SCGN: variants seen among roughly 807,000 people sequenced by gnomAD.
SCGN encodes secretagogin, EF-hand calcium binding protein.
A neutral mutation model predicts 39.7 loss-of-function variants in SCGN; 30 were observed. The observed-to-expected ratio is 0.76, with a 90% CI of 0.57 to 1.03. SCGN has a LOEUF of 1.03. Ranked by LOEUF, SCGN falls within the 50% of genes least tolerant of loss-of-function variation. SCGN has a pLI of 0.00. For missense variants in SCGN, 353 were observed against 349.4 expected, an observed-to-expected ratio of 1.01 and a Z score of -0.08; for synonymous variants, 106 against 114.1, an observed-to-expected ratio of 0.93 and a Z score of 0.45.
At chr6:25,675,722 A>G (rs1048197504) in intron 6 of SCGN, among the ~76,000 whole-genome samples, 2 of 152,306 alleles carry the variant, frequency 1.3e-5, no homozygotes, top group Admixed American at 6.5e-5. Flanking sequence ...AAAGCAGCTC[A>G]TATCTGCTTC....
intron 9 of SCGN, 42 bp downstream of exon 9, chr6:25,689,574 G>A: frequency 6.4e-7 from 1 of 1,556,616 alleles, no homozygotes; most frequent in Non-Finnish European, 8.9e-7. Context: ...TCTCTGAGTA[G>A]GAAACTTATT....
chr6:25,657,303 C>A (rs940216801), intron 2 of SCGN, among the ~76,000 whole-genome samples: 2 of 152,088 alleles, frequency 1.3e-5, no homozygotes, highest in African/African-American at 4.8e-5. Context: ...TGTGTGGAGG[C>A]AGAAATCCAA....
intron 7 of SCGN, among the ~76,000 whole-genome samples, chr6:25,684,260 G>T (rs1253888930): frequency 6.6e-6 from 1 of 152,128 alleles, no homozygotes; most frequent in Non-Finnish European, 1.5e-5. Flanking sequence ...AATTGATGGA[G>T]TTACAGTAGC....
chr6:25,667,255 T>TTCTTA (rs1295265469), intron 4 of SCGN, among the ~76,000 whole-genome samples: 2 of 152,166 alleles, frequency 1.3e-5, no homozygotes, highest in East Asian at 1.9e-4. Context: ...CTATGGAGGC[T>TTCTTA]TCTTATCTTA....
intron 6 of SCGN, among the ~76,000 whole-genome samples, chr6:25,676,396 A>T (rs1759563198): frequency 6.6e-6 from 1 of 152,180 alleles, no homozygotes; most frequent in Non-Finnish European, 1.5e-5. Context: ...TCACACACCA[A>T]GTCATCACCT....
chr6:25,653,366 A>AT lies in SCGN; in HGVS notation c.83-12dup. The AT allele has an allele frequency of 6.5e-7, 1 of 1,544,020 alleles. No homozygotes were observed. The highest frequency in any genetic ancestry group is 8.9e-7 in the Non-Finnish European group (1 of 1,118,932). On this transcript the variant is annotated splice_polypyrimidine_tract_variant and intron_variant, in intron 1 of 10. Transcript: ENST00000377961. Reference sequence around the variant, plus strand: ...TTATATGTTAGTATTATTTATGTTTATTTTCTCACATTTAGAAAAAGGTTA... The same window carrying AT: ...TTATATGTTAGTATTATTTATGTTTATTTTTCTCACATTTAGAAAAAGGTTA...
intron 2 of SCGN, among the ~76,000 whole-genome samples, chr6:25,658,715 A>G (rs1310897416): frequency 6.6e-6 from 1 of 152,218 alleles, no homozygotes; most frequent in African/African-American, 2.4e-5. Context: ...TTTATTATCC[A>G]TTTGGGAACT....
At chr6:25,658,434 C>T (rs968275661) in intron 2 of SCGN, among the ~76,000 whole-genome samples, 1 of 151,942 alleles carries the variant, frequency 6.6e-6, no homozygotes, top group African/African-American at 2.4e-5. Context: ...GTCAGACTGT[C>T]TAAGTCCTCT....
At chr6:25,680,830 G>A (rs1354977171) in intron 6 of SCGN, among the ~76,000 whole-genome samples, 2 of 152,190 alleles carry the variant, frequency 1.3e-5, no homozygotes, top group African/African-American at 4.8e-5. Context: ...TGGTGCCAAA[G>A]TGGTGAGAAT....
chr6:25,657,067 T>C (rs1018293455), intron 2 of SCGN, among the ~76,000 whole-genome samples: 2 of 152,180 alleles, frequency 1.3e-5, no homozygotes, highest in Non-Finnish European at 2.9e-5. Context: ...TCCTGTATGG[T>C]ACATGAACCC....
chr6:25,689,393 A>T, intron 8 of SCGN, 80 bp from the exon 9 acceptor site: 2 of 1,381,660 alleles, frequency 1.4e-6, no homozygotes, highest in Non-Finnish European at 2.0e-6. Flanking sequence ...AAGTTTACAA[A>T]ATTTGCCCAG....
At chr6:25,673,699 G>A (rs1759528648) in intron 6 of SCGN, among the ~76,000 whole-genome samples, 1 of 152,150 alleles carries the variant, frequency 6.6e-6, no homozygotes, top group Non-Finnish European at 1.5e-5. Context: ...CTGCAGTTAA[G>A]TACTCATTTT....
chr6:25,668,968 A>G (rs976595871), intron 4 of SCGN, among the ~76,000 whole-genome samples: 24 of 152,070 alleles, frequency 1.6e-4, no homozygotes, highest in African/African-American at 5.1e-4. Context: ...AAAATTAGCC[A>G]GGCGTGGTGG....
In SCGN at chr6:25,701,439, T is replaced by C. The variant is rs56080178; in HGVS notation, c.*104T>C. 4,492 of 1,445,248 alleles carry C rather than the reference T, an allele frequency of 3.1e-3. 54 individuals are homozygous for C. In the African/African-American group the frequency reaches 0.035, roughly 11 times the overall value. 89.5% of individuals were successfully genotyped at this position (1,445,248 alleles called of 1,614,324 possible). On this transcript the variant is annotated 3_prime_UTR_variant, in exon 11 of 11. Transcript: ENST00000377961. Reference sequence around the variant, plus strand: ...GGAACACAGTGGGCAAACTCACAAATGGTGTGCTATTCTTGGGCAAGAACA... The same window carrying C: ...GGAACACAGTGGGCAAACTCACAAACGGTGTGCTATTCTTGGGCAAGAACA...
rs372299715 is a variant in SCGN at position 25,664,992 on chromosome 6, G to C, written c.296G>C (p.Arg99Pro). The C allele has an allele frequency of 1.2e-6, 2 of 1,613,848 alleles. No homozygotes were observed. Among genetic ancestry groups the C allele is most frequent in the Non-Finnish European group, 1.7e-6 (2 of 1,179,904 alleles). Residue 99 changes from arginine to proline, a missense_variant, in exon 4 of 11, where the codon CGC (arginine) becomes CCC (proline). Transcript: ENST00000377961. Reference protein sequence around the residue: ...SEDENFLLLFRRENPLDSSVE... With the variant: ...SEDENFLLLFPRENPLDSSVE... The stretch of plus-strand genomic sequence containing the variant: ...GATGAAAACTTTCTTCTGCTCTTTC[G>C]CCGGGAAAACCCACTGGACAGCAGC...
At chr6:25,670,227 AAACTG>A in intron 6 of SCGN, 151 bp downstream of exon 6, 1 of 654,424 alleles carries the variant, frequency 1.5e-6, no homozygotes, top group Non-Finnish European at 2.8e-6. Context: ...ATACTGGCTA[AAACTG>A]AACTGTTTTA....
intron 3 of SCGN, among the ~76,000 whole-genome samples, chr6:25,663,532 TCTTCCC>T (rs1760376373): frequency 6.6e-6 from 1 of 152,228 alleles, no homozygotes; most frequent in Admixed American, 6.5e-5. Context: ...TTACTTTTAG[TCTTCCC>T]ATCAGGACCA....
At chr6:25,680,522 C>T (rs1483189155) in intron 6 of SCGN, among the ~76,000 whole-genome samples, 1 of 152,142 alleles carries the variant, frequency 6.6e-6, no homozygotes, top group Non-Finnish European at 1.5e-5. Context: ...ATTTCGAGCA[C>T]AGGATTGTTT....
chr6:25,700,241 C>A (rs372599740), intron 10 of SCGN, among the ~76,000 whole-genome samples: 1,324 of 100,810 alleles, frequency 0.013, 27 homozygotes, highest in African/African-American at 0.038. Flanking sequence ...GACTTCGTCT[C>A]AAAAAAAAAA....
Sources: allele counts gnomAD v4.1 joint callset (sites outside exome capture counted in the v4.1 genomes callset), GRCh38; gene constraint gnomAD v4.1.1; transcripts MANE v1.5; gene names NCBI Gene and HGNC (gene_info 2026-07-23, HGNC 2026-07-21).